The following RNF20 variants were observed in gnomAD, a reference collection of about 807,000 sequenced individuals.
RNF20 encodes the protein ring finger protein 20.
In RNF20, 84 loss-of-function variants were observed where a neutral mutation model predicts 126.2. The ratio of observed to expected loss-of-function variants is 0.67; its 90% CI spans 0.56 to 0.80. The LOEUF (loss-of-function observed/expected upper bound fraction) is 0.80. RNF20 is among the 30% of genes least tolerant of loss of function. The pLI is 0.00. For missense variants in RNF20, 869 were observed against 1,188.2 expected (o/e 0.73, Z 3.95); for synonymous variants, 400 against 414.3 (o/e 0.97, Z 0.42).
intron 16 of RNF20, among the ~76,000 whole-genome samples, chr9:101,558,913 A>G (rs1235774793): frequency 6.6e-6 from 1 of 152,004 alleles, no homozygotes; most frequent in Non-Finnish European, 1.5e-5. Flanking sequence ...ATTAAGTTTC[A>G]TCTATTTATC....
At position 101,552,611 on chromosome 9, in the gene RNF20, GAGA is replaced by G. The variant is rs1564110852; in HGVS notation, c.1762_1764del (p.Lys588del). Reference sequence around the variant, plus strand: ...GGAACGAGAAAGAGAACGGGAGAAGGAGAAGGAGAGAGAACGAGAGAAGCAGAA... The same window carrying G: ...GGAACGAGAAAGAGAACGGGAGAAGGAGGAGAGAGAACGAGAGAAGCAGAA... On this transcript the variant is annotated inframe_deletion, in exon 13 of 20. Coordinates refer to ENST00000389120, the MANE Select transcript of RNF20 (RefSeq NM_019592.7). 2 of 1,538,366 alleles carry G rather than the reference GAGA, an allele frequency of 1.3e-6. No homozygotes were observed. The highest frequency in any genetic ancestry group is 1.1e-5 in the South Asian group (1 of 89,572).
chr9:101,548,314 G>A (rs1827386053), intron 9 of RNF20, among the ~76,000 whole-genome samples: 1 of 152,204 alleles, frequency 6.6e-6, no homozygotes, highest in Non-Finnish European at 1.5e-5. Flanking sequence ...GTAGAATGGT[G>A]GTTACCAGGG....
chr9:101,535,332 ATT>A, intron 1 of RNF20, 64 bp from the exon 2 acceptor site: 2 of 1,334,048 alleles, frequency 1.5e-6, no homozygotes, highest in Non-Finnish European at 2.0e-6. Flanking sequence ...TTTTTACTCT[ATT>A]GTTTTACTCT....
At chr9:101,557,633 A>G in intron 16 of RNF20, 37 bp downstream of exon 16, 1 of 1,469,824 alleles carries the variant, frequency 6.8e-7, no homozygotes, top group East Asian at 2.3e-5. Context: ...TTCTGTTGAA[A>G]TAGGGTGCTT....
At chr9:101,542,405 T>G (rs1346124693) in intron 5 of RNF20, among the ~76,000 whole-genome samples, 1 of 152,238 alleles carries the variant, frequency 6.6e-6, no homozygotes, top group Non-Finnish European at 1.5e-5. Flanking sequence ...TTTGTACTTT[T>G]GTATTAATAT....
chr9:101,548,793 A>C (rs1268456275), intron 9 of RNF20, among the ~76,000 whole-genome samples: 1 of 152,186 alleles, frequency 6.6e-6, no homozygotes, highest in Non-Finnish European at 1.5e-5. Context: ...AAAAATGAGA[A>C]GTAGGGTAAA....
chr9:101,540,663 A>G (rs1361016985), intron 4 of RNF20, 26 bp downstream of exon 4: 2 of 1,612,238 alleles, frequency 1.2e-6, no homozygotes, highest in Admixed American at 1.7e-5. Context: ...GGATTCTATC[A>G]CTGCATGCTA....
chr9:101,560,142 C>T (rs761735780), intron 16 of RNF20, among the ~76,000 whole-genome samples: 1 of 152,130 alleles, frequency 6.6e-6, no homozygotes, highest in Non-Finnish European at 1.5e-5. Context: ...GCTTTTTCTG[C>T]ATCTATTGAG....
chr9:101,548,602 G>T (rs1258199842), intron 9 of RNF20, among the ~76,000 whole-genome samples: 1 of 152,028 alleles, frequency 6.6e-6, no homozygotes, highest in East Asian at 1.9e-4. Flanking sequence ...TTTATTTGTT[G>T]ATTATACCTT....
chr9:101,552,354 G>A (rs769907256), intron 12 of RNF20, 29 bp from the exon 13 acceptor site: 22 of 1,608,292 alleles, frequency 1.4e-5, no homozygotes, highest in Non-Finnish European at 1.9e-5. Context: ...CATAAGAGAT[G>A]TGCATCTTTC....
rs1378036598 is a variant in RNF20 at position 101,557,378 on chromosome 9, C to G, written c.2170-6C>G. The G allele has an allele frequency of 6.2e-7, 1 of 1,605,898 alleles. No individual in the cohort carries two copies. Among genetic ancestry groups the G allele is most frequent in the East Asian group, 2.2e-5 (1 of 44,764 alleles). Reference sequence around the variant, plus strand: ...CTAAAATCAAATCTCTTCCTTCATCCTTTAGGAAGAAGAAGCACTCCTCTC... The same window carrying G: ...CTAAAATCAAATCTCTTCCTTCATCGTTTAGGAAGAAGAAGCACTCCTCTC... On this transcript the variant is annotated splice_region_variant and splice_polypyrimidine_tract_variant and intron_variant, in intron 15 of 19. Coordinates refer to ENST00000389120, the MANE Select transcript of RNF20 (RefSeq NM_019592.7).
intron 1 of RNF20, 71 bp from the exon 2 acceptor site, chr9:101,535,327 A>G (rs1338416331): frequency 3.2e-6 from 4 of 1,245,270 alleles, no homozygotes; most frequent in Middle Eastern, 2.1e-4. Flanking sequence ...GCTAGTTTTT[A>G]CTCTATTGTT....
At chr9:101,561,818 T>A in intron 18 of RNF20, 92 bp from the exon 19 acceptor site, 1 of 857,674 alleles carries the variant, frequency 1.2e-6, no homozygotes, top group Non-Finnish European at 2.0e-6. Context: ...GAAAGTCCCC[T>A]CTTTTCACAA....
intron 11 of RNF20, 139 bp downstream of exon 11, chr9:101,551,958 C>A: frequency 2.3e-6 from 3 of 1,290,592 alleles, no homozygotes; most frequent in Non-Finnish European, 3.2e-6. Context: ...CATTTTGGTT[C>A]ACAGCCTGGA....
intron 15 of RNF20, among the ~76,000 whole-genome samples, chr9:101,555,718 G>T (rs576550762): frequency 1.3e-5 from 2 of 151,870 alleles, no homozygotes; most frequent in African/African-American, 2.4e-5. Context: ...TTGGGAGGCC[G>T]AGGTGGATGG....
intron 5 of RNF20, among the ~76,000 whole-genome samples, chr9:101,542,875 A>G (rs1827280470): frequency 6.6e-6 from 1 of 152,232 alleles, no homozygotes; most frequent in African/African-American, 2.4e-5. Flanking sequence ...TGTAACACAA[A>G]AGGCAATTGC....
chr9:101,554,017 A>G lies in RNF20; in HGVS notation c.1931A>G (p.Lys644Arg), dbSNP rs757608170. ...KKAQESQKEM[K>R]LLLDMYRSAP... is the part of the protein sequence containing the mutation. ...GCACAGGAGAGCCAAAAGGAGATGA[A>G]ACTATTGCTGGATATGTACCGTTCT... The change falls in exon 14 of 20, where the codon AAA becomes AGA. Residue 644 changes from lysine to arginine, a missense_variant. Lys to Arg is a conservative substitution (Grantham distance 26, BLOSUM62 2). This residue lies in a region of RNF20 where 231 missense variants were observed against 263.6 expected (regional missense o/e 0.88). Transcript: ENST00000389120. 6.2e-7 allele frequency: 1 copy of G among 1,613,154 alleles called. No individual in the cohort carries two copies. Among genetic ancestry groups the G allele is most frequent in the Non-Finnish European group, 8.5e-7 (1 of 1,179,420 alleles).
intron 10 of RNF20, 131 bp downstream of exon 10, chr9:101,550,916 C>G (rs1013152476): frequency 9.8e-6 from 8 of 812,744 alleles, no homozygotes; most frequent in African/African-American, 5.1e-5. Flanking sequence ...GGTCTTTACT[C>G]TGGTAGGTAC....
intron 9 of RNF20, among the ~76,000 whole-genome samples, 158 bp from the exon 10 acceptor site, chr9:101,550,448 A>G (rs1425047223): frequency 6.6e-6 from 1 of 152,220 alleles, no homozygotes; most frequent in Non-Finnish European, 1.5e-5. Context: ...ATTTTGGGGT[A>G]GATTTTACAT....
Sources: gnomAD v4.1 joint callset for allele counts (sites outside exome capture counted in the v4.1 genomes callset) on GRCh38, gnomAD v4.1.1 for gene constraint, gnomAD v4.1.1 regional missense constraint, MANE v1.5 for transcripts, NCBI Gene and HGNC (gene_info 2026-07-23, HGNC 2026-07-21) for gene names.